Variants in EXOC6B observed in about 807,000 individuals in gnomAD.
EXOC6B encodes exocyst complex component 6B, also known as SEC15 homolog B.
EXOC6B carries 54 observed loss-of-function variants against 113.5 expected under a neutral mutation model. That is an observed-to-expected ratio of 0.48 (90% CI 0.38 to 0.60). The LOEUF is 0.60. Among genes scored for constraint, EXOC6B ranks in the 20% least tolerant of loss-of-function variants. EXOC6B has a pLI of 0.00. For synonymous variants in EXOC6B, 357 were observed against 339.0 expected (o/e 1.05, Z -0.58); for missense variants, 797 against 977.5 (o/e 0.82, Z 2.46).
At chr2:72,303,205 T>C (rs937654991) in intron 20 of EXOC6B, among the ~76,000 whole-genome samples, 4 of 152,126 alleles carry the variant, frequency 2.6e-5, no homozygotes, top group African/African-American at 9.7e-5. Context: ...CCTGATGGGG[T>C]TCCCTTTGTA....
chr2:72,264,149 T>C (rs985002584), intron 20 of EXOC6B, among the ~76,000 whole-genome samples: 8 of 152,190 alleles, frequency 5.3e-5, no homozygotes, highest in Non-Finnish European at 5.9e-5. Flanking sequence ...CTTTCCTGCC[T>C]ATAGAGCTGA....
chr2:72,392,858 C>T (rs111504439), intron 18 of EXOC6B, among the ~76,000 whole-genome samples: 1,993 of 152,134 alleles, frequency 0.013, 60 homozygotes, highest in African/African-American at 0.045. Context: ...TGTATGACCT[C>T]ATTGATATTT....
chr2:72,457,374 T>A lies in EXOC6B; in HGVS notation c.1980+7786A>T, dbSNP rs1335756567. Among the ~76,000 whole-genome samples the A allele has an allele frequency of 2.0e-5, 3 of 152,088 alleles. No homozygotes were observed. The South Asian group carries it at 6.2e-4, about 32-fold the overall frequency. On this transcript the variant is annotated intron_variant, in intron 18 of 21. Transcript: ENST00000272427. ...GTAGGAAATAATTTTCTCTTAAGGATGACCTAAGAGAAAGTAAGGCCAGGG... is the reference window on the plus strand; with the variant it reads ...GTAGGAAATAATTTTCTCTTAAGGAAGACCTAAGAGAAAGTAAGGCCAGGG...
intron 5 of EXOC6B, among the ~76,000 whole-genome samples, chr2:72,719,140 T>C (rs1679831307): frequency 6.6e-6 from 1 of 152,102 alleles, no homozygotes; most frequent in Non-Finnish European, 1.5e-5. Flanking sequence ...CCCCCTCTAA[T>C]TCCTCCACCC....
chr2:72,402,407 T>A (rs964576416), intron 18 of EXOC6B, among the ~76,000 whole-genome samples: 4 of 152,206 alleles, frequency 2.6e-5, no homozygotes, highest in African/African-American at 9.6e-5. Flanking sequence ...ACACTGATTT[T>A]TATATTTTCC....
intron 20 of EXOC6B, among the ~76,000 whole-genome samples, chr2:72,243,328 G>C (rs1682442691): frequency 6.6e-6 from 1 of 152,144 alleles, no homozygotes; most frequent in South Asian, 2.1e-4. Flanking sequence ...CAATAGCAAA[G>C]ACTTGGAACC....
rs563606192 is a variant in EXOC6B, at chr2:72,691,837, C to T, written c.669+26266G>A. Among the ~76,000 whole-genome samples, 4 of 148,282 alleles carry T rather than the reference C, an allele frequency of 2.7e-5. No homozygotes were observed. In the South Asian group the frequency reaches 6.5e-4, roughly 24 times the overall value. Reference sequence around the variant, plus strand: ...GCTGGGATTACGGGTGCCCACCACCCCACCTGGATTTTTTTTTTCTATTTT... The same window carrying T: ...GCTGGGATTACGGGTGCCCACCACCTCACCTGGATTTTTTTTTTCTATTTT... On this transcript the variant is annotated intron_variant, in intron 6 of 21. Coordinates refer to ENST00000272427, the MANE Select transcript of EXOC6B (RefSeq NM_015189.3).
At chr2:72,531,382 T>C (rs1701993532) in intron 8 of EXOC6B, among the ~76,000 whole-genome samples, 1 of 152,194 alleles carries the variant, frequency 6.6e-6, no homozygotes, top group Non-Finnish European at 1.5e-5. Flanking sequence ...TATAATACAA[T>C]TGTCTGAAAT....
intron 6 of EXOC6B, among the ~76,000 whole-genome samples, chr2:72,614,789 G>T (rs764783098): frequency 3.9e-5 from 6 of 152,108 alleles, no homozygotes. Context: ...AAGAAGTAGG[G>T]AGAATACTAA....
At chr2:72,668,644 T>C (rs1172868222) in intron 6 of EXOC6B, among the ~76,000 whole-genome samples, 1 of 152,160 alleles carries the variant, frequency 6.6e-6, no homozygotes, top group Non-Finnish European at 1.5e-5. Context: ...AAAGCCATTA[T>C]CCTAAGTAAA....
intron 20 of EXOC6B, among the ~76,000 whole-genome samples, chr2:72,262,536 T>C (rs1486763999): frequency 6.6e-6 from 1 of 152,156 alleles, no homozygotes; most frequent in East Asian, 1.9e-4. Context: ...GCATTAAATA[T>C]TGGTCTGAGT....
chr2:72,732,354 G>T (rs1459632423), intron 3 of EXOC6B, among the ~76,000 whole-genome samples: 2 of 151,940 alleles, frequency 1.3e-5, no homozygotes, highest in African/African-American at 4.8e-5. Flanking sequence ...TAGAGATGGG[G>T]TCTCACTATG....
At chr2:72,463,356 T>G (rs923616853) in intron 18 of EXOC6B, 1 of 151,960 alleles carries the variant, frequency 6.6e-6, no homozygotes, top group African/African-American at 2.4e-5. Flanking sequence ...GTAAAACATG[T>G]AGAAAAAACA....
At chr2:72,434,034 G>A (rs1385650190) in intron 18 of EXOC6B, among the ~76,000 whole-genome samples, 1 of 152,180 alleles carries the variant, frequency 6.6e-6, no homozygotes, top group African/African-American at 2.4e-5. Flanking sequence ...GATATTGGCT[G>A]TGGGTTTGTC....
intron 16 of EXOC6B, among the ~76,000 whole-genome samples, chr2:72,487,659 C>A (rs1448694094): frequency 6.6e-6 from 1 of 152,048 alleles, no homozygotes; most frequent in Non-Finnish European, 1.5e-5. Context: ...GTGCCGAATC[C>A]TACACTGACA....
At chr2:72,512,355 G>GGAAGGAAGGAAGGAAGGAAA (rs1700963549) in intron 11 of EXOC6B, among the ~76,000 whole-genome samples, 1 of 8,590 alleles carries the variant, frequency 1.2e-4, no homozygotes, top group African/African-American at 2.5e-4. Flanking sequence ...AAGGAAGGAA[G>GGAAGGAAGGAAGGAAGGAAA]GAAGGAAGGA....
chr2:72,467,628 T>C (rs1003187465), intron 17 of EXOC6B, among the ~76,000 whole-genome samples: 2 of 152,210 alleles, frequency 1.3e-5, no homozygotes, highest in African/African-American at 4.8e-5. Flanking sequence ...GTATGTCTTC[T>C]CTTGAGAAAT....
At chr2:72,725,446 C>T (rs1680242608) in intron 5 of EXOC6B, among the ~76,000 whole-genome samples, 1 of 151,968 alleles carries the variant, frequency 6.6e-6, no homozygotes, top group Non-Finnish European at 1.5e-5. Context: ...GGCTGGAGTG[C>T]AGTGCGCCAT....
intron 6 of EXOC6B, among the ~76,000 whole-genome samples, chr2:72,716,186 T>C (rs1298355382): frequency 6.6e-6 from 1 of 152,186 alleles, no homozygotes; most frequent in Non-Finnish European, 1.5e-5. Flanking sequence ...CTCTTTGGTC[T>C]TTCCCCTTCT....
Sources: allele counts gnomAD v4.1 joint callset (sites outside exome capture counted in the v4.1 genomes callset), GRCh38; gene constraint gnomAD v4.1.1; transcripts MANE v1.5; gene names NCBI Gene and HGNC (gene_info 2026-07-23, HGNC 2026-07-21).